Variants in GP6 observed in about 807,000 individuals in gnomAD.
GP6 encodes glycoprotein VI platelet.
In GP6, 45 loss-of-function variants were observed where a neutral mutation model predicts 37.3. The observed-to-expected ratio is 1.21, with a 90% CI of 0.95 to 1.55. The LOEUF is 1.55. GP6 is among the 40% of genes most tolerant of loss of function. The probability of loss-of-function intolerance (pLI) is 0.00; values close to 1 mark genes in which losing one functional copy is unlikely to be tolerated. For synonymous variants in GP6, 340 were observed against 316.4 expected (o/e 1.07, Z -0.79); for missense variants, 813 against 760.2 (o/e 1.07, Z -0.82).
At chr19:55,015,810 C>A in intron 6 of GP6, 77 bp from the exon 7 acceptor site, 2 of 804,046 alleles carry the variant, frequency 2.5e-6, no homozygotes, top group African/African-American at 1.7e-5. Flanking sequence ...TCCGAACACA[C>A]ACACACATGG....
Position 55,021,526 on chromosome 19 carries a change from T to TG in GP6, c.665-2816_665-2815insC, listed in dbSNP as rs2074084655. 6.9e-5 allele frequency among the ~76,000 whole-genome samples: 10 copies of TG among 144,582 alleles called. 1 individual carries two copies. Among genetic ancestry groups the TG allele is most frequent in the African/African-American group, 2.5e-5 (1 of 39,640 alleles). 94.9% of individuals were successfully genotyped at this position (144,582 alleles called of 152,430 possible). ...TGTTTCTTGACTTTTGTTGGTTTTTTTTTTTTTTTTTTGAGATGGAGTCTT... is the reference window on the plus strand; with the variant it reads ...TGTTTCTTGACTTTTGTTGGTTTTTTGTTTTTTTTTTTTGAGATGGAGTCTT... On this transcript the variant is annotated intron_variant, in intron 5 of 7. Coordinates refer to ENST00000310373, the MANE Select transcript of GP6 (RefSeq NM_001083899.2).
chr19:55,014,248 G>T lies in GP6; in HGVS notation c.1697C>A (p.Ser566Tyr). 1 of 958,194 alleles carries T rather than the reference G, an allele frequency of 1.0e-6. No homozygotes were observed. Among genetic ancestry groups the T allele is most frequent in the Non-Finnish European group, 1.7e-6 (1 of 595,498 alleles). 59.4% of individuals were successfully genotyped at this position (958,194 alleles called of 1,614,324 possible). A position where few individuals can be genotyped will look rare whatever the true frequency, so the allele number is the denominator to read the frequency against. Residue 566 changes from serine (S) to tyrosine (Y), a missense_variant, in exon 8 of 8, where the codon TCC (serine) becomes TAC (tyrosine). Coordinates refer to ENST00000310373, the MANE Select transcript of GP6 (RefSeq NM_001083899.2). ...CCCCCTGAGTTGCTGGGAGTATAGGGATGCACCACCACACCTGGCTAATTT... is the reference window on the plus strand; with the variant it reads ...CCCCCTGAGTTGCTGGGAGTATAGGTATGCACCACCACACCTGGCTAATTT...
At position 55,031,512 on chromosome 19, in the gene GP6, T is replaced by C. The variant is rs147280019; in HGVS notation, c.325+627A>G. Among the ~76,000 whole-genome samples the C allele has an allele frequency of 6.4e-3, 981 of 152,304 alleles. 6 individuals carry two copies. Among genetic ancestry groups the C allele is most frequent in the Middle Eastern group, 0.024 (7 of 294 alleles). ...CTGTTTTTCGTTTTGGCACAGACTCTGGTATGACTTGACACAGGCACTGGC... is the reference window on the plus strand; with the variant it reads ...CTGTTTTTCGTTTTGGCACAGACTCCGGTATGACTTGACACAGGCACTGGC... On this transcript the variant is annotated intron_variant, in intron 3 of 7. Coordinates refer to ENST00000310373, the MANE Select transcript of GP6 (RefSeq NM_001083899.2).
chr19:55,026,471 A>G (rs917671819), intron 4 of GP6, among the ~76,000 whole-genome samples: 10 of 152,130 alleles, frequency 6.6e-5, no homozygotes, highest in African/African-American at 2.2e-4. Context: ...TAATGTCCTC[A>G]AGGTATATCC....
intron 6 of GP6, among the ~76,000 whole-genome samples, 168 bp downstream of exon 6, chr19:55,018,484 C>CCCCA (rs2073956747): frequency 6.6e-6 from 1 of 152,258 alleles, no homozygotes; most frequent in African/African-American, 2.4e-5. Context: ...TCCTTCTGAA[C>CCCCA]CCCAGAGCTC....
chr19:55,025,348 C>A (rs1007016295), intron 4 of GP6, 77 bp from the exon 5 acceptor site: 3 of 899,770 alleles, frequency 3.3e-6, no homozygotes, highest in Non-Finnish European at 5.4e-6. Context: ...ATCTCCGTGA[C>A]TGAGTTTCCT....
intron 5 of GP6, among the ~76,000 whole-genome samples, chr19:55,018,990 G>A (rs527437539): frequency 1.1e-3 from 164 of 152,180 alleles, no homozygotes; most frequent in South Asian, 4.1e-3. Flanking sequence ...AGGTTTTTGT[G>A]TGAACATAAG....
chr19:55,017,898 G>A (rs998457608), intron 6 of GP6, among the ~76,000 whole-genome samples: 6 of 73,258 alleles, frequency 8.2e-5, no homozygotes, highest in East Asian at 4.8e-4. Flanking sequence ...CTGAAACCCC[G>A]TCTCTACTAA....
intron 5 of GP6, among the ~76,000 whole-genome samples, chr19:55,022,752 A>G (rs901422123): frequency 6.6e-6 from 1 of 152,226 alleles, no homozygotes; most frequent in African/African-American, 2.4e-5. Context: ...AGGAACTCCC[A>G]TTCACAATTG....
rs189534942 is a variant in GP6 at position 55,032,557 on chromosome 19, G to A, written c.35-19C>T. 0.011 allele frequency: 17,322 copies of A among 1,613,340 alleles called. 110 individuals carry two copies. The highest frequency in any genetic ancestry group is 0.012 in the Non-Finnish European group (14,116 of 1,179,752). ...CACAGCCCTGAGGAAAGAAGAAAGG[G>A]ACCAGATGCCAGGACTCGCTTTTAT... On this transcript the variant is annotated intron_variant, in intron 1 of 7. Transcript: ENST00000310373.
chr19:55,024,304 A>ACACACACGCACGCACACG (rs1568612810), intron 5 of GP6, among the ~76,000 whole-genome samples: 1,753 of 75,400 alleles, frequency 0.023, 53 homozygotes, highest in African/African-American at 0.077. Context: ...ACGCATGCAC[A>ACACACACGCACGCACACG]CACATATGCA....
chr19:55,018,123 A>G (rs2073942389), intron 6 of GP6, among the ~76,000 whole-genome samples: 1 of 152,160 alleles, frequency 6.6e-6, no homozygotes, highest in Non-Finnish European at 1.5e-5. Flanking sequence ...AGCCAGAGTC[A>G]TGTGGGCCCA....
In GP6 at chr19:55,014,240, A is replaced by T; in HGVS notation, c.1705T>A (p.Ser569Thr). 3 of 900,872 alleles carry T rather than the reference A, an allele frequency of 3.3e-6. No individual in the cohort carries two copies. The highest frequency in any genetic ancestry group is 5.5e-6 in the Non-Finnish European group (3 of 544,344). 55.8% of individuals were successfully genotyped at this position (900,872 alleles called of 1,614,324 possible). A position where few individuals can be genotyped will look rare whatever the true frequency, so the allele number is the denominator to read the frequency against. The change falls in exon 8 of 8, where the codon TCC (serine) becomes ACC (threonine). Residue 569 changes from serine (S) to threonine (T), a missense_variant. By Grantham distance (58) the Ser-to-Thr change is moderately conservative (BLOSUM62 1). Coordinates refer to ENST00000310373, the MANE Select transcript of GP6 (RefSeq NM_001083899.2). Reference sequence around the variant, plus strand: ...CACCTCAGCCCCCTGAGTTGCTGGGAGTATAGGGATGCACCACCACACCTG... The same window carrying T: ...CACCTCAGCCCCCTGAGTTGCTGGGTGTATAGGGATGCACCACCACACCTG...
rs1366736797 is a variant in GP6 at position 55,027,875 on chromosome 19, GA to G, written c.326-14del. On this transcript the variant is annotated splice_polypyrimidine_tract_variant and intron_variant, in intron 3 of 7. Coordinates refer to ENST00000310373, the MANE Select transcript of GP6 (RefSeq NM_001083899.2). ...TTGGCAAAAACTCCTGGGAGAAAAA[GA>G]AAGTCTGATGTTGAAGGCAGGAGCC... 1 of 1,613,872 alleles carries G rather than the reference GA, an allele frequency of 6.2e-7. No homozygotes were observed. The highest frequency in any genetic ancestry group is 8.5e-7 in the Non-Finnish European group (1 of 1,179,804).
intron 7 of GP6, 37 bp from the exon 8 acceptor site, chr19:55,015,202 G>T: frequency 6.5e-7 from 1 of 1,550,296 alleles, no homozygotes; most frequent in South Asian, 1.2e-5. Context: ...AGGTGAAAGA[G>T]CCCACCTCCA....
chr19:55,023,342 T>C (rs1267037091), intron 5 of GP6, among the ~76,000 whole-genome samples: 1 of 152,222 alleles, frequency 6.6e-6, no homozygotes, highest in Admixed American at 6.5e-5. Flanking sequence ...AGTTTGAATA[T>C]GTGTTCCCAC....
chr19:55,027,587 CAAGCTCCAGGGGGTCGCTG>C lies in GP6; in HGVS notation c.582_600del (p.Ser195TrpfsTer7), dbSNP rs1408931382. On this transcript the variant is annotated frameshift_variant, in exon 4 of 8. Coordinates refer to ENST00000310373, the MANE Select transcript of GP6 (RefSeq NM_001083899.2). LOFTEE classifies it high-confidence loss of function. ...TCTGCACTACCCCTACCTGTGACCA[CAAGCTCCAGGGGGTCGCTG>C]GGGGCTGACCACAGGTATGGGTCCC... 8.1e-6 allele frequency: 13 copies of C among 1,613,340 alleles called. No homozygotes were observed. Among genetic ancestry groups the C allele is most frequent in the Non-Finnish European group, 1.0e-5 (12 of 1,179,450 alleles).
chr19:55,027,911 G>A, intron 3 of GP6, 49 bp from the exon 4 acceptor site: 1 of 1,591,554 alleles, frequency 6.3e-7, no homozygotes. Context: ...CAGCATCTCA[G>A]CTGAGACTGG....
intron 4 of GP6, among the ~76,000 whole-genome samples, chr19:55,025,495 C>A (rs1254574040): frequency 6.6e-6 from 1 of 152,088 alleles, no homozygotes; most frequent in Non-Finnish European, 1.5e-5. Context: ...CACTTGAGGT[C>A]AGGAGTTCAA....
Sources: gnomAD v4.1 joint callset for allele counts (sites outside exome capture counted in the v4.1 genomes callset) on GRCh38, gnomAD v4.1.1 for gene constraint, MANE v1.5 for transcripts, NCBI Gene and HGNC (gene_info 2026-07-23, HGNC 2026-07-21) for gene names.